SLC3A2: variants seen among roughly 807,000 people sequenced by gnomAD.
The protein encoded by SLC3A2 is solute carrier family 3 member 2, also known as amino acid transporter heavy chain SLC3A2.
SLC3A2 carries 32 observed loss-of-function variants against 48.5 expected under a neutral mutation model. The ratio of observed to expected loss-of-function variants is 0.66; its 90% CI spans 0.50 to 0.89. The LOEUF is 0.89. SLC3A2 is among the 40% of genes least tolerant of loss of function. The pLI is 0.00. For missense variants in SLC3A2, 587 were observed against 680.7 expected (o/e 0.86, Z 1.53); for synonymous variants, 277 against 288.8 (o/e 0.96, Z 0.41).
Position 62,881,605 on chromosome 11 carries a change from C to A in SLC3A2, c.424+158C>A. The A allele has an allele frequency of 8.9e-7, 1 of 1,117,942 alleles. No individual in the cohort carries two copies. Among genetic ancestry groups the A allele is most frequent in the Non-Finnish European group, 1.2e-6 (1 of 811,344 alleles). The allele number at this position is 1,117,942 out of a possible 1,614,324, so 69.3% of individuals were successfully genotyped here. ...CCCACCCCCTCCCCGGCACATTGTC[C>A]TTCCCTCCTTTCTTTGAAGAAAGCC... is the stretch of plus-strand genomic sequence containing the variant. On this transcript the variant is annotated intron_variant, in intron 1 of 8. Coordinates refer to ENST00000338663, the MANE Select transcript of SLC3A2 (RefSeq NM_001013251.3). This position sits in a 1 kb window ranked among gnomAD's most constrained non-coding sequence, Gnocchi z 4.0.
At chr11:62,864,950 T>A (rs1444701235) in intron 1 of SLC3A2, among the ~76,000 whole-genome samples, 2 of 152,100 alleles carry the variant, frequency 1.3e-5, no homozygotes, top group Non-Finnish European at 2.9e-5. Context: ...GATGGGTCCA[T>A]GGACAAGCAG....
chr11:62,857,704 A>G lies in SLC3A2; in HGVS notation c.112+1323A>G, dbSNP rs993913804. On this transcript the variant is annotated intron_variant, in intron 1 of 9. Transcript: ENST00000377889. ...GAGATTGACCCTGTCTCAAAAAAAA[A>G]AAAAAAAAAAAAAAAAAAATGTGGG... Among the ~76,000 whole-genome samples the G allele has an allele frequency of 2.3e-3, 349 of 150,082 alleles. 1 individual carries two copies. Among genetic ancestry groups the G allele is most frequent in the African/African-American group, 7.4e-3 (304 of 40,928 alleles).
chr11:62,885,499 C>A lies in SLC3A2; in HGVS notation c.1034C>A (p.Pro345Gln). Residue 345 changes from proline (P) to glutamine (Q), a missense_variant, in exon 7 of 9, where the codon CCG (proline) becomes CAG (glutamine). By Grantham distance (76) the Pro-to-Gln change is moderately conservative. Around this residue, in one of 3 missense-constraint regions of SLC3A2, gnomAD observed 409 missense variants for 446.7 expected, o/e 0.92. Transcript: ENST00000338663. ...GCAAGGCTCCTGACTTCCTTCTTGC[C>A]GGCTCAACTTCTCCGACTCTACCAG... ...SQARLLTSFLPAQLLRLYQLM... is the reference protein window; with the variant it reads ...SQARLLTSFLQAQLLRLYQLM... 1 of 1,614,160 alleles carries A rather than the reference C, an allele frequency of 6.2e-7. No individual in the cohort carries two copies.
intron 3 of SLC3A2, chr11:62,883,628 T>A (rs2085670485): frequency 4.7e-6 from 1 of 210,886 alleles, no homozygotes. Context: ...GCTGTGATTC[T>A]AAGATAGAAT....
rs1277358502 is a variant in SLC3A2 at position 62,885,357 on chromosome 11, T to C, written c.999T>C (p.Ser333=). The change falls in exon 6 of 9, where the codon AGT becomes AGC. Residue 333 remains serine, a splice_region_variant and synonymous_variant. Transcript: ENST00000338663. ...CTGGCAATCGCTGGTGCAGCTGGAG[T>C]GTGAGTACCATGCTGGTGGGAAAGG... ...NATGNRWCSW[S]LSQARLLTSF... 1 of 1,613,772 alleles carries C rather than the reference T, an allele frequency of 6.2e-7. No individual in the cohort carries two copies.
chr11:62,862,846 C>T (rs912036010), intron 1 of SLC3A2, among the ~76,000 whole-genome samples: 6 of 152,174 alleles, frequency 3.9e-5, no homozygotes, highest in African/African-American at 1.4e-4. Flanking sequence ...GAGGCACTGC[C>T]TCAATTAATA....
At position 62,868,660 on chromosome 11, in the gene SLC3A2, C is replaced by T. The variant is rs185670957; in HGVS notation, c.112+12279C>T. 1.2e-4 allele frequency among the ~76,000 whole-genome samples: 18 copies of T among 152,104 alleles called. No individual in the cohort carries two copies. In the South Asian group the frequency reaches 2.7e-3, roughly 23 times the overall value. On this transcript the variant is annotated intron_variant, in intron 1 of 9. Transcript: ENST00000377889. ...GATTACAGGCGTGAGCCACCGTGCC[C>T]GGCCAAGGGTATTTTCATTCTATAG...
chr11:62,884,297 C>T, intron 3 of SLC3A2, 160 bp from the exon 4 acceptor site: 1 of 697,198 alleles, frequency 1.4e-6, no homozygotes. Context: ...GGTCCAAAGG[C>T]TAAGCCTTTG....
intron 1 of SLC3A2, among the ~76,000 whole-genome samples, chr11:62,869,600 G>T (rs941862884): frequency 6.9e-6 from 1 of 145,742 alleles, no homozygotes; most frequent in African/African-American, 2.5e-5. Context: ...GGTTTTTTTC[G>T]TACTGGTTTT....
intron 1 of SLC3A2, among the ~76,000 whole-genome samples, chr11:62,862,273 A>G (rs1453961547): frequency 2.2e-5 from 3 of 138,432 alleles, no homozygotes; most frequent in Middle Eastern, 3.9e-3. Context: ...GCTCATCGCA[A>G]CGATGAGCTG....
chr11:62,878,307 G>C (rs2085590791), upstream of SLC3A2, among the ~76,000 whole-genome samples: 1 of 152,118 alleles, frequency 6.6e-6, no homozygotes, highest in Non-Finnish European at 1.5e-5. Context: ...TATTTTTAGA[G>C]ACAGGGTCTC....
upstream of SLC3A2, chr11:62,876,755 C>T (rs1342934846): frequency 1.8e-5 from 5 of 272,872 alleles, no homozygotes; most frequent in South Asian, 6.2e-5. Flanking sequence ...GCACGCACCA[C>T]CATACCTGGC....
rs944038206 is a variant in SLC3A2, at chr11:62,882,992, A to AG, written c.685dup (p.Val229GlyfsTer33). On this transcript the variant is annotated frameshift_variant, in exon 3 of 9. Coordinates refer to ENST00000338663, the MANE Select transcript of SLC3A2 (RefSeq NM_001013251.3). LOFTEE classifies it high-confidence loss of function. ...ACTCAGGTTGACACTGTGGCCACCA[A>AG]GGTGAAGGTGAGTGTTGGAGCTGAT... is the stretch of plus-strand genomic sequence containing the variant. The AG allele has an allele frequency of 6.2e-7, 1 of 1,613,964 alleles. No homozygotes were observed. Among genetic ancestry groups the AG allele is most frequent in the African/African-American group, 1.3e-5 (1 of 74,908 alleles).
At chr11:62,864,770 ATT>A (rs553131030) in intron 1 of SLC3A2, among the ~76,000 whole-genome samples, 1 of 113,638 alleles carries the variant, frequency 8.8e-6, no homozygotes, top group South Asian at 2.8e-4. Flanking sequence ...CCGGCCGCTA[ATT>A]TTTTTTTTTG....
rs111376936 is a variant in SLC3A2, at chr11:62,884,376, G to A, written c.691-81G>A. On this transcript the variant is annotated intron_variant, in intron 3 of 8. Transcript: ENST00000338663. ...CAGCTCCCGGGGAAGTGTGTGGTGG[G>A]TGAGGTTTAGTGTGGGCTGGAATTT... 287 of 1,471,106 alleles carry A rather than the reference G, an allele frequency of 2.0e-4. 1 individual carries two copies. The African/African-American group carries it at 3.3e-3, about 17-fold the overall frequency. The allele number at this position is 1,471,106 out of a possible 1,614,324, so 91.1% of individuals were successfully genotyped here.
Position 62,888,723 on chromosome 11 carries a change from C to G in SLC3A2, c.*30C>G. 1.3e-6 allele frequency: 2 copies of G among 1,526,594 alleles called. No homozygotes were observed. The highest frequency in any genetic ancestry group is 8.8e-7 in the Non-Finnish European group (1 of 1,140,026). The allele number at this position is 1,526,594 out of a possible 1,614,324, so 94.6% of individuals were successfully genotyped here. On this transcript the variant is annotated 3_prime_UTR_variant, in exon 9 of 9. Transcript: ENST00000338663. ...AGCCTGACATGGACCCACTACCCTT[C>G]TCCTTTCCTTCCCAGGCCCTTTGGC...
rs1241619637 is a variant in SLC3A2, at chr11:62,882,030, G to A, written c.562G>A (p.Asp188Asn). 12 of 1,614,094 alleles carry A rather than the reference G, an allele frequency of 7.4e-6. No individual in the cohort carries two copies. Among genetic ancestry groups the A allele is most frequent in the Non-Finnish European group, 1.0e-5 (12 of 1,180,048 alleles). Residue 188 changes from aspartate to asparagine, a missense_variant, in exon 2 of 9, where the codon GAT becomes AAT. Asp to Asn is a conservative substitution (Grantham distance 23). Transcript: ENST00000338663. ...CGACCCCAATTTTGGCTCCAAGGAAGATTTTGACAGTCTCTTGCAATCGGC... is the reference window on the plus strand; with the variant it reads ...CGACCCCAATTTTGGCTCCAAGGAAAATTTTGACAGTCTCTTGCAATCGGC... ...QIDPNFGSKE[D>N]FDSLLQSAKK...
upstream of SLC3A2, chr11:62,876,940 G>C: frequency 5.0e-6 from 5 of 991,328 alleles, no homozygotes; most frequent in Non-Finnish European, 6.0e-6. Flanking sequence ...GTCTTGGTTT[G>C]TTTTCCTGCA....
rs370279399 is a variant in SLC3A2 at position 62,881,212 on chromosome 11, G to A, written c.189G>A (p.Leu63=). The A allele has an allele frequency of 5.2e-5, 83 of 1,589,084 alleles. No homozygotes were observed. Among genetic ancestry groups the A allele is most frequent in the Non-Finnish European group, 6.8e-5 (80 of 1,169,610 alleles). The change falls in exon 1 of 9, where the codon CTG becomes CTA. Residue 63 remains leucine (L), a synonymous_variant. Transcript: ENST00000338663. This position sits in a 1 kb window ranked among gnomAD's most constrained non-coding sequence, Gnocchi z 4.0. ...CAGCCGCGGCTAAGTTCACGGGCCT[G>A]TCCAAGGAGGAGCTGCTGAAGGTGG... ...EAAAAAKFTG[L]SKEELLKVAG...
Sources: allele counts gnomAD v4.1 joint callset (sites outside exome capture counted in the v4.1 genomes callset), GRCh38; gene constraint gnomAD v4.1.1; regional missense constraint gnomAD v4.1.1; non-coding constraint Gnocchi (gnomAD v3.1); transcripts MANE v1.5; gene names NCBI Gene and HGNC (gene_info 2026-07-23, HGNC 2026-07-21).